ADCK1: variants seen among roughly 807,000 people sequenced by gnomAD.
ADCK1 encodes the protein aarF domain containing kinase 1.
A neutral mutation model predicts 52.3 loss-of-function variants in ADCK1; 41 were observed. That is an observed-to-expected ratio of 0.78 (90% CI 0.61 to 1.02). ADCK1 has a LOEUF of 1.02. Ranked by LOEUF, ADCK1 falls within the 50% of genes least tolerant of loss-of-function variation. The pLI is 0.00. For synonymous variants in ADCK1, 250 were observed against 274.6 expected, an observed-to-expected ratio of 0.91 and a Z score of 0.89; for missense variants, 658 against 679.5, an observed-to-expected ratio of 0.97 and a Z score of 0.35.
intron 1 of ADCK1, among the ~76,000 whole-genome samples, chr14:77,801,032 C>T (rs114750509): frequency 1.1e-4 from 17 of 151,954 alleles, no homozygotes; most frequent in African/African-American, 3.9e-4. Context: ...GAGTTCAACA[C>T]CAGGCTGGGC....
At chr14:77,882,960 C>G (rs1023412848) in intron 4 of ADCK1, among the ~76,000 whole-genome samples, 31 of 127,466 alleles carry the variant, frequency 2.4e-4, no homozygotes, top group Admixed American at 4.5e-4. Flanking sequence ...TACACCACCC[C>G]CCCCCCCGTG....
intron 4 of ADCK1, among the ~76,000 whole-genome samples, chr14:77,881,989 A>G (rs1358844933): frequency 6.6e-6 from 1 of 152,198 alleles, no homozygotes; most frequent in Admixed American, 6.5e-5. Context: ...ATATAGGGGT[A>G]TCTGGGGCAG....
intron 3 of ADCK1, among the ~76,000 whole-genome samples, chr14:77,833,122 T>C (rs1264984942): frequency 1.3e-5 from 2 of 152,196 alleles, no homozygotes; most frequent in African/African-American, 4.8e-5. Flanking sequence ...ATTAGAACTC[T>C]GGCCCCTGGT....
At chr14:77,915,518 C>T (rs1366597744) in intron 7 of ADCK1, among the ~76,000 whole-genome samples, 7 of 152,006 alleles carry the variant, frequency 4.6e-5, no homozygotes, top group African/African-American at 1.7e-4. Context: ...GCCAAATGTC[C>T]AACAATGATA....
chr14:77,812,820 G>T (rs1043696388), intron 1 of ADCK1, among the ~76,000 whole-genome samples: 8 of 151,704 alleles, frequency 5.3e-5, no homozygotes, highest in African/African-American at 1.9e-4. Flanking sequence ...GAACTCCTGG[G>T]CTCAAGTGAT....
intron 3 of ADCK1, among the ~76,000 whole-genome samples, chr14:77,833,180 G>T (rs2081893044): frequency 6.6e-6 from 1 of 152,232 alleles, no homozygotes; most frequent in African/African-American, 2.4e-5. Context: ...TTCCAGGCAA[G>T]GTGGGCATGT....
At chr14:77,878,519 G>C (rs2082948457) in intron 4 of ADCK1, among the ~76,000 whole-genome samples, 2 of 152,222 alleles carry the variant, frequency 1.3e-5, no homozygotes, top group East Asian at 3.9e-4. Context: ...GCTGGGTGCA[G>C]GGCCCGTCTT....
intron 7 of ADCK1, among the ~76,000 whole-genome samples, chr14:77,912,433 CGTGTGTGTGT>C (rs57555913): frequency 1.9e-3 from 264 of 138,250 alleles, no homozygotes; most frequent in South Asian, 2.6e-3. Context: ...TACGGAGGAG[CGTGTGTGTGT>C]GTGTGTGTGT....
chr14:77,856,518 T>G (rs1325304485), intron 3 of ADCK1, among the ~76,000 whole-genome samples: 1 of 152,180 alleles, frequency 6.6e-6, no homozygotes, highest in African/African-American at 2.4e-5. Flanking sequence ...GGATTCAGTG[T>G]GACATTGATA....
chr14:77,885,228 G>C (rs2140202388), intron 4 of ADCK1, among the ~76,000 whole-genome samples: 1 of 152,302 alleles, frequency 6.6e-6, no homozygotes, highest in African/African-American at 2.4e-5. Flanking sequence ...GAGAAACTCA[G>C]GGTGATTGGG....
Position 77,912,774 on chromosome 14 carries a change from C to A in ADCK1, c.858+4855C>A, listed in dbSNP as rs2083825114. Among the ~76,000 whole-genome samples, 3 of 152,110 alleles carry A rather than the reference C, an allele frequency of 2.0e-5. No individual in the cohort carries two copies. The South Asian group carries it at 6.2e-4, about 32-fold the overall frequency. ...CCTCTTGAGGTGGGTGGGGATGGCT[C>A]CAGAGCCCCCAACCACTTGTTGTAT... is the stretch of plus-strand genomic sequence containing the variant. On this transcript the variant is annotated intron_variant, in intron 7 of 10. Transcript: ENST00000238561.
chr14:77,898,232 C>G (rs2083453081), intron 5 of ADCK1, among the ~76,000 whole-genome samples: 1 of 152,186 alleles, frequency 6.6e-6, no homozygotes, highest in South Asian at 2.1e-4. Context: ...CCACTGCATT[C>G]CAGTCTGGGC....
intron 7 of ADCK1, chr14:77,908,139 C>G (rs1210048970): frequency 2.4e-6 from 1 of 423,776 alleles, no homozygotes; most frequent in African/African-American, 2.0e-5. Flanking sequence ...ATGCTGAACC[C>G]CTTCTGCCAT....
chr14:77,841,026 C>G (rs2082055855), intron 3 of ADCK1, among the ~76,000 whole-genome samples: 1 of 152,158 alleles, frequency 6.6e-6, no homozygotes, highest in Non-Finnish European at 1.5e-5. Flanking sequence ...TTCATAGATT[C>G]CAGGGAGCTG....
intron 7 of ADCK1, among the ~76,000 whole-genome samples, chr14:77,921,612 C>T (rs1480266905): frequency 1.3e-5 from 2 of 152,104 alleles, no homozygotes; most frequent in African/African-American, 2.4e-5. Flanking sequence ...CTGTCTCTGT[C>T]TATGCTGGTG....
chr14:77,881,542 GTTAA>G lies in ADCK1; in HGVS notation c.424-5538_424-5535del, dbSNP rs746215965. Among the ~76,000 whole-genome samples the G allele has an allele frequency of 8.5e-5, 13 of 152,266 alleles. No individual in the cohort carries two copies. The South Asian group carries it at 1.2e-3, about 15-fold the overall frequency. ...AAAAATTATGGACATGTTTTATTTA[GTTAA>G]TTAATTAATTTTTAACATCCAGTTG... On this transcript the variant is annotated intron_variant, in intron 4 of 10. Coordinates refer to ENST00000238561, the MANE Select transcript of ADCK1 (RefSeq NM_020421.4).
At chr14:77,918,222 A>G (rs1308062081) in intron 7 of ADCK1, among the ~76,000 whole-genome samples, 1 of 152,192 alleles carries the variant, frequency 6.6e-6, no homozygotes, top group Non-Finnish European at 1.5e-5. Flanking sequence ...AATGGTTTAT[A>G]TGGGGGAACT....
At chr14:77,859,395 A>G (rs2082495783) in intron 4 of ADCK1, 116 bp downstream of exon 4, 1 of 1,017,024 alleles carries the variant, frequency 9.8e-7, no homozygotes, top group African/African-American at 1.6e-5. Flanking sequence ...ACAAAACCAA[A>G]TGTCACAGCC....
chr14:77,824,847 G>A (rs1226603761), intron 3 of ADCK1, among the ~76,000 whole-genome samples: 2 of 152,080 alleles, frequency 1.3e-5, no homozygotes, highest in Admixed American at 1.3e-4. Flanking sequence ...ACATTTCGTC[G>A]CTCTCCCTCT....
Sources: allele counts gnomAD v4.1 joint callset (sites outside exome capture counted in the v4.1 genomes callset), GRCh38; gene constraint gnomAD v4.1.1; transcripts MANE v1.5; gene names NCBI Gene and HGNC (gene_info 2026-07-23, HGNC 2026-07-21).